The following MDGA2 variants were observed in gnomAD, a reference collection of about 807,000 sequenced individuals.
MDGA2 encodes MAM domain containing glycosylphosphatidylinositol anchor 2.
MDGA2 carries 40 observed loss-of-function variants against 117.8 expected under a neutral mutation model. The observed-to-expected ratio is 0.34, with a 90% CI of 0.26 to 0.44. MDGA2 has a LOEUF of 0.44. MDGA2 is among the 20% of genes least tolerant of loss of function. The pLI is 1.00. For synonymous variants in MDGA2, 452 were observed against 439.0 expected, an observed-to-expected ratio of 1.03 and a Z score of -0.37; for missense variants, 1,123 against 1,250.6, an observed-to-expected ratio of 0.90 and a Z score of 1.54.
intron 15 of MDGA2, among the ~76,000 whole-genome samples, chr14:46,849,277 G>T (rs1197268607): frequency 2.0e-5 from 3 of 151,926 alleles, no homozygotes; most frequent in African/African-American, 7.2e-5. Flanking sequence ...AAGGTCCTGT[G>T]TAGCATGTTT....
In MDGA2 at chr14:46,845,894, C is replaced by G. The variant is rs755070394; in HGVS notation, c.2884-23G>C. The G allele has an allele frequency of 1.2e-5, 18 of 1,540,266 alleles. No homozygotes were observed. In the Admixed American group the frequency reaches 2.7e-4, roughly 23 times the overall value. Reference sequence around the variant, plus strand: ...GAGCTACAAATATGAATGAAACAAACCTAAATGTGGAGCTTTGATTTGCAG... The same window carrying G: ...GAGCTACAAATATGAATGAAACAAAGCTAAATGTGGAGCTTTGATTTGCAG... On this transcript the variant is annotated intron_variant, in intron 15 of 16. Coordinates refer to ENST00000399232, the MANE Select transcript of MDGA2 (RefSeq NM_001113498.3).
intron 1 of MDGA2, among the ~76,000 whole-genome samples, chr14:47,620,211 T>C (rs1367926940): frequency 6.6e-6 from 1 of 152,238 alleles, no homozygotes; most frequent in Non-Finnish European, 1.5e-5. Flanking sequence ...TATCAAACTA[T>C]GAATCACTGT....
chr14:47,566,073 G>C (rs1167819460), intron 1 of MDGA2, among the ~76,000 whole-genome samples: 2 of 152,228 alleles, frequency 1.3e-5, no homozygotes, highest in African/African-American at 4.8e-5. Flanking sequence ...CAGGGAAGGA[G>C]AGGCAAGGTT....
intron 1 of MDGA2, among the ~76,000 whole-genome samples, chr14:47,600,856 C>G (rs1350226237): frequency 6.6e-6 from 1 of 152,074 alleles, no homozygotes; most frequent in African/African-American, 2.4e-5. Context: ...GTAATGTTAG[C>G]CAGTAGGTTT....
At chr14:47,381,918 A>G (rs540482062) in intron 1 of MDGA2, among the ~76,000 whole-genome samples, 2 of 152,328 alleles carry the variant, frequency 1.3e-5, no homozygotes, top group South Asian at 4.1e-4. Flanking sequence ...ATCCTAAGCA[A>G]AAAGAACAAA....
chr14:47,561,144 T>G (rs867023617), intron 1 of MDGA2, among the ~76,000 whole-genome samples: 1 of 87,232 alleles, frequency 1.1e-5, no homozygotes, highest in African/African-American at 3.6e-5. Flanking sequence ...TATCTTTGTT[T>G]TTTTTTTTGT....
chr14:47,623,373 T>C (rs1204298082), intron 1 of MDGA2, among the ~76,000 whole-genome samples: 1 of 152,220 alleles, frequency 6.6e-6, no homozygotes, highest in Non-Finnish European at 1.5e-5. Flanking sequence ...AGGATGTTTC[T>C]ACTGACAAGA....
chr14:47,587,604 G>C (rs1360595854), intron 1 of MDGA2, among the ~76,000 whole-genome samples: 1 of 151,772 alleles, frequency 6.6e-6, no homozygotes, highest in Non-Finnish European at 1.5e-5. Context: ...ATAACAACCC[G>C]AGTCATGTTG....
intron 6 of MDGA2, among the ~76,000 whole-genome samples, chr14:47,080,245 G>A (rs1347028459): frequency 8.5e-5 from 13 of 152,078 alleles, no homozygotes; most frequent in Admixed American, 8.5e-4. Flanking sequence ...GAGACTAAGA[G>A]TAGTAAAAAT....
chr14:47,117,048 TCAATAGCA>T (rs1881370878), intron 5 of MDGA2, among the ~76,000 whole-genome samples: 1 of 150,146 alleles, frequency 6.7e-6, no homozygotes. Context: ...ATCCCAAAAC[TCAATAGCA>T]AAAAACAAAC....
chr14:47,461,279 G>GTGTGTGTGTGTGTC (rs1893479657), intron 1 of MDGA2, among the ~76,000 whole-genome samples: 1 of 151,422 alleles, frequency 6.6e-6, no homozygotes, highest in Non-Finnish European at 1.5e-5. Context: ...ATGTGTGTGT[G>GTGTGTGTGTGTGTC]TGTGTGTGTG....
At position 47,675,389 on chromosome 14, in the gene MDGA2, G is replaced by C. The variant is rs1898165736; in HGVS notation, c.-593C>G. Among the ~76,000 whole-genome samples, 1 of 151,896 alleles carries C rather than the reference G, an allele frequency of 6.6e-6. No individual in the cohort carries two copies. The highest frequency in any genetic ancestry group is 2.4e-5 in the African/African-American group (1 of 41,382). On this transcript the variant is annotated 5_prime_UTR_variant, in exon 1 of 17. Transcript: ENST00000399232. Reference sequence around the variant, plus strand: ...CTAGGGGAACGGGGGTGGGGAAGAGGGAAGGGAGGAGGGGGAAGAAGGAGG... The same window carrying C: ...CTAGGGGAACGGGGGTGGGGAAGAGCGAAGGGAGGAGGGGGAAGAAGGAGG...
chr14:47,620,003 T>G (rs556509513), intron 1 of MDGA2, among the ~76,000 whole-genome samples: 5 of 152,162 alleles, frequency 3.3e-5, no homozygotes, highest in Non-Finnish European at 7.3e-5. Context: ...CCAAAGAGGC[T>G]CCAATGAAAG....
chr14:47,084,529 A>C (rs1890826416), intron 6 of MDGA2, among the ~76,000 whole-genome samples: 1 of 151,956 alleles, frequency 6.6e-6, no homozygotes, highest in Non-Finnish European at 1.5e-5. Context: ...CATGCTGAGT[A>C]ATAAAGTAAA....
At chr14:47,595,244 A>AG (rs1896515535) in intron 1 of MDGA2, among the ~76,000 whole-genome samples, 2 of 152,004 alleles carry the variant, frequency 1.3e-5, no homozygotes, top group Admixed American at 6.6e-5. Flanking sequence ...TAGAGAAAAA[A>AG]AAAAAGAAAA....
intron 2 of MDGA2, among the ~76,000 whole-genome samples, chr14:47,300,406 G>T (rs1002879350): frequency 6.6e-6 from 1 of 151,940 alleles, no homozygotes; most frequent in Non-Finnish European, 1.5e-5. Flanking sequence ...AAATTAGATT[G>T]TTGCATCATA....
At chr14:47,405,225 T>C (rs1219367463) in intron 1 of MDGA2, among the ~76,000 whole-genome samples, 1 of 152,202 alleles carries the variant, frequency 6.6e-6, no homozygotes, top group East Asian at 1.9e-4. Flanking sequence ...GAAACTATAA[T>C]GTGCCCTTCA....
intron 1 of MDGA2, among the ~76,000 whole-genome samples, chr14:47,547,870 TA>T (rs1895494124): frequency 6.6e-6 from 1 of 152,184 alleles, no homozygotes; most frequent in South Asian, 2.1e-4. Context: ...TTGTTATTAT[TA>T]AATACGATTA....
Position 47,540,416 on chromosome 14 carries a change from C to T in MDGA2, c.280+134101G>A, listed in dbSNP as rs1895320317. Reference sequence around the variant, plus strand: ...CCACTGATACTTCCTGTCCCCTTTCCTGCTTTTTCTCTTAAGCATTTATCA... The same window carrying T: ...CCACTGATACTTCCTGTCCCCTTTCTTGCTTTTTCTCTTAAGCATTTATCA... On this transcript the variant is annotated intron_variant, in intron 1 of 16. Transcript: ENST00000399232. 2.0e-5 allele frequency among the ~76,000 whole-genome samples: 3 copies of T among 151,776 alleles called. 1 individual carries two copies. The South Asian group carries it at 6.3e-4, about 32-fold the overall frequency.
Sources: gnomAD v4.1 joint callset for allele counts (sites outside exome capture counted in the v4.1 genomes callset) on GRCh38, gnomAD v4.1.1 for gene constraint, MANE v1.5 for transcripts, NCBI Gene and HGNC (gene_info 2026-07-23, HGNC 2026-07-21) for gene names.